Variants in STK31 observed in about 807,000 individuals in gnomAD.
The protein encoded by STK31 is serine/threonine kinase 31.
Under a neutral mutation model 129.7 loss-of-function variants are expected in STK31, and 89 were observed. The observed-to-expected ratio is 0.69, with a 90% CI of 0.58 to 0.82. STK31 has a LOEUF of 0.82. Ranked by LOEUF, STK31 falls within the 40% of genes least tolerant of loss-of-function variation. The pLI, the probability that STK31 is intolerant of heterozygous loss-of-function variation, is 0.00. For missense variants in STK31, 1,187 were observed against 1,176.4 expected, an observed-to-expected ratio of 1.01 and a Z score of -0.13; for synonymous variants, 448 against 395.3, an observed-to-expected ratio of 1.13 and a Z score of -1.58.
rs767655035 is a variant in STK31, at chr7:23,735,767, G to A, written c.713G>A (p.Ser238Asn). ...CAACTTGTTCTCAGGAACCTCAAAA[G>A]CCCCATTCCTTTGTGGGGGCATAGA... The part of the protein sequence containing the change: ...PGQLVLRNLK[S>N]PIPLWGHRSN... Residue 238 changes from serine to asparagine, a missense_variant, in exon 7 of 24, where the codon AGC becomes AAC. Coordinates refer to ENST00000355870, the MANE Select transcript of STK31 (RefSeq NM_031414.5). 3.7e-6 allele frequency: 6 copies of A among 1,614,012 alleles called. No individual in the cohort carries two copies. Among genetic ancestry groups the A allele is most frequent in the Admixed American group, 3.3e-5 (2 of 60,002 alleles).
rs10265802 is a variant in STK31 at position 23,787,152 on chromosome 7, C to G, written c.2487+228C>G. Among the ~76,000 whole-genome samples, 28 of 152,254 alleles carry G rather than the reference C, an allele frequency of 1.8e-4. 1 individual carries two copies. The highest frequency in any genetic ancestry group is 6.5e-4 in the Admixed American group (10 of 15,278). ...CAGGGTCCGTTAGCCAGAGGTAGAG[C>G]TGGGACTCGAAATTAAGTCTTTCTG... On this transcript the variant is annotated intron_variant, in intron 20 of 23. Transcript: ENST00000355870.
intron 8 of STK31, among the ~76,000 whole-genome samples, chr7:23,742,241 G>A (rs1030537557): frequency 2.0e-5 from 3 of 152,218 alleles, no homozygotes; most frequent in Non-Finnish European, 4.4e-5. Flanking sequence ...TCACCACCCA[G>A]CCAAGCAGCA....
chr7:23,795,665 T>C (rs1791907677), intron 22 of STK31, among the ~76,000 whole-genome samples: 1 of 152,178 alleles, frequency 6.6e-6, no homozygotes. Flanking sequence ...AGCGGGGCTG[T>C]AGCCTGCAAA....
At chr7:23,754,736 G>A (rs1167232398) in intron 10 of STK31, among the ~76,000 whole-genome samples, 1 of 152,164 alleles carries the variant, frequency 6.6e-6, no homozygotes, top group Non-Finnish European at 1.5e-5. Flanking sequence ...ACTTACGAGT[G>A]AGAACATGTA....
At chr7:23,810,935 G>A (rs58140765) in intron 22 of STK31, among the ~76,000 whole-genome samples, 4,861 of 131,274 alleles carry the variant, frequency 0.037, 316 homozygotes, top group African/African-American at 0.14. Flanking sequence ...ATGTGTGTGT[G>A]TATATACACA....
chr7:23,800,049 A>C (rs1792269045), intron 22 of STK31, among the ~76,000 whole-genome samples: 1 of 152,220 alleles, frequency 6.6e-6, no homozygotes, highest in Admixed American at 6.5e-5. Context: ...ATCTCATGCC[A>C]CTTAGAATGG....
At chr7:23,795,377 C>G (rs1427004721) in intron 22 of STK31, among the ~76,000 whole-genome samples, 1 of 152,222 alleles carries the variant, frequency 6.6e-6, no homozygotes, top group Non-Finnish European at 1.5e-5. Flanking sequence ...TGGGAACTTC[C>G]ACCTAGATTT....
At chr7:23,812,430 T>A (rs1793195479) in intron 22 of STK31, among the ~76,000 whole-genome samples, 2 of 141,994 alleles carry the variant, frequency 1.4e-5, no homozygotes, top group Admixed American at 1.4e-4. Context: ...TTTTTTTTTT[T>A]AAGATTTTTT....
At chr7:23,801,733 A>G (rs1792382100) in intron 22 of STK31, among the ~76,000 whole-genome samples, 1 of 152,088 alleles carries the variant, frequency 6.6e-6, no homozygotes, top group African/African-American at 2.4e-5. Context: ...TGGGAGGTTT[A>G]TGTCAGGGTT....
At chr7:23,727,340 T>C (rs1401741647) in intron 5 of STK31, 25 bp downstream of exon 5, 1 of 1,609,798 alleles carries the variant, frequency 6.2e-7, no homozygotes, top group East Asian at 2.2e-5. Context: ...GTTCAGTTTT[T>C]TTTTGCTTTA....
intron 23 of STK31, among the ~76,000 whole-genome samples, chr7:23,820,131 C>T (rs1793713616): frequency 6.6e-6 from 1 of 152,152 alleles, no homozygotes; most frequent in South Asian, 2.1e-4. Context: ...TACACTTTTT[C>T]CCCATAATTC....
chr7:23,754,649 A>AC (rs1438395615), intron 10 of STK31, among the ~76,000 whole-genome samples, 175 bp downstream of exon 10: 3 of 146,928 alleles, frequency 2.0e-5, no homozygotes, highest in Non-Finnish European at 4.5e-5. Flanking sequence ...TCCCTCCCTC[A>AC]CCCCCCCATT....
intron 23 of STK31, among the ~76,000 whole-genome samples, chr7:23,818,265 T>C (rs1442409914): frequency 6.6e-6 from 1 of 152,182 alleles, no homozygotes; most frequent in Non-Finnish European, 1.5e-5. Context: ...TTTCCATACT[T>C]TGGAGTTGGC....
chr7:23,824,768 T>A (rs1037529562), intron 23 of STK31, among the ~76,000 whole-genome samples: 5 of 151,992 alleles, frequency 3.3e-5, no homozygotes, highest in Middle Eastern at 3.2e-3. Flanking sequence ...TTAAGATACA[T>A]CCCATCAATA....
chr7:23,751,752 A>G (rs1170542367), intron 8 of STK31, among the ~76,000 whole-genome samples: 1 of 152,138 alleles, frequency 6.6e-6, no homozygotes, highest in East Asian at 1.9e-4. Flanking sequence ...TATTATGCAA[A>G]TATACATTTA....
At chr7:23,785,745 T>C (rs1352799864) in intron 18 of STK31, 142 bp downstream of exon 18, 17 of 1,146,352 alleles carry the variant, frequency 1.5e-5, no homozygotes, top group African/African-American at 4.7e-5. Context: ...GCTTGTAGTT[T>C]GGTTGCCAGA....
At chr7:23,787,776 AC>A (rs1265326833) in intron 20 of STK31, among the ~76,000 whole-genome samples, 6 of 149,822 alleles carry the variant, frequency 4.0e-5, no homozygotes, top group Non-Finnish European at 8.9e-5. Context: ...ACACACACAC[AC>A]ACACAAACAC....
intron 5 of STK31, 151 bp from the exon 6 acceptor site, chr7:23,728,940 T>A (rs1374973997): frequency 1.8e-6 from 1 of 563,586 alleles, no homozygotes; most frequent in Non-Finnish European, 2.8e-6. Flanking sequence ...TTTGAAGATA[T>A]TAGAAATCTG....
chr7:23,764,194 A>G (rs1258825712), intron 11 of STK31, among the ~76,000 whole-genome samples: 1 of 152,262 alleles, frequency 6.6e-6, no homozygotes, highest in Non-Finnish European at 1.5e-5. Context: ...GCAGTAATAT[A>G]GTAAGAATTT....
Sources: gnomAD v4.1 joint callset for allele counts (sites outside exome capture counted in the v4.1 genomes callset) on GRCh38, gnomAD v4.1.1 for gene constraint, MANE v1.5 for transcripts, NCBI Gene and HGNC (gene_info 2026-07-23, HGNC 2026-07-21) for gene names.